RHBG: variants seen among roughly 807,000 people sequenced by gnomAD.
The protein encoded by RHBG is ammonium transporter Rh type B.
In RHBG, 39 loss-of-function variants were observed where a neutral mutation model predicts 40.1. The observed-to-expected ratio is 0.97, with a 90% CI of 0.75 to 1.27. The LOEUF is 1.27. Among genes scored for constraint, RHBG ranks in the 50% most tolerant of loss-of-function variants. RHBG has a pLI of 0.00. For missense variants in RHBG, 549 were observed against 588.1 expected, an observed-to-expected ratio of 0.93 and a Z score of 0.69; for synonymous variants, 237 against 252.5, an observed-to-expected ratio of 0.94 and a Z score of 0.58.
At position 156,378,350 on chromosome 1, in the gene RHBG, C is replaced by G; in HGVS notation, c.624C>G (p.Ser208Arg). The G allele has an allele frequency of 6.2e-7, 1 of 1,613,088 alleles. No individual in the cohort carries two copies. The highest frequency in any genetic ancestry group is 8.5e-7 in the Non-Finnish European group (1 of 1,179,496). Residue 208 changes from serine (S) to arginine (R), a missense_variant, in exon 4 of 10, where the codon AGC (serine) becomes AGG (arginine). Around this residue, in one of 3 missense-constraint regions of RHBG, gnomAD observed 399 missense variants for 417.0 expected, o/e 0.96. Coordinates refer to ENST00000537040, the MANE Select transcript of RHBG (RefSeq NM_020407.5). ...TGTACAGGCCCCAGCTGGAGAAGAG[C>G]AAGCACCGCCAGGGCTCCGTCTACC... ...RVLYRPQLEK[S>R]KHRQGSVYHS...
intron 1 of RHBG, among the ~76,000 whole-genome samples, chr1:156,369,999 G>A (rs1377903464): frequency 6.6e-6 from 1 of 152,042 alleles, no homozygotes; most frequent in Admixed American, 6.5e-5. Context: ...GTCCCTCAAA[G>A]CTGGTCCTTT....
chr1:156,377,292 C>A lies in RHBG; in HGVS notation c.188-9C>A, dbSNP rs1211180003. 6.2e-7 allele frequency: 1 copy of A among 1,612,304 alleles called. No individual in the cohort carries two copies. ...CCCCAAGTGCCCCGCCTGTCCCTGCCCGCTGCAGGCTTCCAGGACGTGCAT... is the reference window on the plus strand; with the variant it reads ...CCCCAAGTGCCCCGCCTGTCCCTGCACGCTGCAGGCTTCCAGGACGTGCAT... On this transcript the variant is annotated splice_polypyrimidine_tract_variant and intron_variant, in intron 1 of 9. Transcript: ENST00000537040. The surrounding 1 kb of genome is among the most constrained non-coding windows in gnomAD (Gnocchi z 4.6).
intron 8 of RHBG, chr1:156,384,269 T>G (rs1667883215): frequency 1.8e-6 from 1 of 570,592 alleles, no homozygotes; most frequent in Non-Finnish European, 3.1e-6. Context: ...CTCTGAGTCT[T>G]GTTTCTTTGT....
At chr1:156,378,488 T>G (rs1466647636) in intron 4 of RHBG, 89 bp downstream of exon 4, 1 of 1,466,994 alleles carries the variant, frequency 6.8e-7, no homozygotes, top group Non-Finnish European at 9.2e-7. Context: ...GGGTGCTGAC[T>G]GCAGTCCTGG....
intron 1 of RHBG, among the ~76,000 whole-genome samples, chr1:156,375,173 C>T (rs1381545890): frequency 1.3e-5 from 2 of 151,984 alleles, no homozygotes; most frequent in Middle Eastern, 3.2e-3. Flanking sequence ...CCGGGTCAAG[C>T]GATTCTACTG....
rs754558704 is a variant in RHBG at position 156,377,507 on chromosome 1, C to T, written c.374+20C>T. On this transcript the variant is annotated intron_variant, in intron 2 of 9. Transcript: ENST00000537040. This position sits in a 1 kb window ranked among gnomAD's most constrained non-coding sequence, Gnocchi z 4.6. ...GGAGAGGTGGGCAGCCGCCACCCACCCAGCTCCCCAAGGTTCACTCGGGAG... is the reference window on the plus strand; with the variant it reads ...GGAGAGGTGGGCAGCCGCCACCCACTCAGCTCCCCAAGGTTCACTCGGGAG... 1.9e-6 allele frequency: 3 copies of T among 1,597,460 alleles called. No homozygotes were observed. In the South Asian group the frequency reaches 3.3e-5, roughly 18 times the overall value.
At chr1:156,381,244 C>A in intron 4 of RHBG, 103 bp from the exon 5 acceptor site, 2 of 1,200,564 alleles carry the variant, frequency 1.7e-6, no homozygotes, top group Non-Finnish European at 2.4e-6. Flanking sequence ...TATGAGGAAA[C>A]TGAGGCTGCT....
At chr1:156,381,534 G>A in intron 5 of RHBG, 21 bp downstream of exon 5, 10 of 1,588,812 alleles carry the variant, frequency 6.3e-6, no homozygotes, top group Non-Finnish European at 8.6e-6. Flanking sequence ...GAGGACTTCA[G>A]AGAGGCAGAG....
rs3748569 is a variant in RHBG, at chr1:156,381,908, G to A, written c.943G>A (p.Gly315Arg). 0.45 allele frequency: 723,751 copies of A among 1,609,256 alleles called. 165,875 individuals carry two copies. Among genetic ancestry groups the A allele is most frequent in the East Asian group, 0.7 (31,288 of 44,832 alleles). Reference protein sequence around the residue: ...FGALAAGFLAGTVSTLGYKFF... With the variant: ...FGALAAGFLARTVSTLGYKFF... ...GGCTCTGGCAGCTGGCTTCTTGGCT[G>A]GGACTGTCTCCACGCTGGGGTACAA... is the stretch of plus-strand genomic sequence containing the variant. The change falls in exon 6 of 10, where the codon GGG (glycine) becomes AGG (arginine). Residue 315 changes from glycine to arginine, a missense_variant. Gly to Arg is a moderately radical substitution (Grantham distance 125). Coordinates refer to ENST00000537040, the MANE Select transcript of RHBG (RefSeq NM_020407.5).
At chr1:156,381,710 C>A in intron 5 of RHBG, 96 bp from the exon 6 acceptor site, 1 of 1,488,366 alleles carries the variant, frequency 6.7e-7, no homozygotes, top group Non-Finnish European at 9.0e-7. Context: ...GGCAGAGGGA[C>A]TTCCAGAAGC....
intron 4 of RHBG, 36 bp from the exon 5 acceptor site, chr1:156,381,311 C>T (rs200154669): frequency 5.8e-5 from 93 of 1,611,134 alleles, no homozygotes; most frequent in Admixed American, 1.0e-4. Flanking sequence ...GGAGTCACTT[C>T]CTTCTTCTCA....
intron 8 of RHBG, 102 bp downstream of exon 8, chr1:156,382,971 A>T: frequency 6.5e-7 from 1 of 1,535,150 alleles, no homozygotes; most frequent in Non-Finnish European, 8.9e-7. Flanking sequence ...ACTTTGTGCC[A>T]TAAAGTAGGG....
chr1:156,384,563 C>G lies in RHBG; in HGVS notation c.1271C>G (p.Pro424Arg), dbSNP rs375620360. 6.2e-6 allele frequency: 10 copies of G among 1,600,620 alleles called. No individual in the cohort carries two copies. The highest frequency in any genetic ancestry group is 2.2e-5 in the South Asian group (2 of 89,354). Residue 424 changes from proline to arginine, a missense_variant, in exon 9 of 10, where the codon CCA (proline) becomes CGA (arginine). By Grantham distance (103) the Pro-to-Arg change is moderately radical. Transcript: ENST00000537040. ...AAGCTACCCTTTCTGGACTCCCCCC[C>G]AGACTCCCAGCACTACGAGGACCAA... ...LLKLPFLDSP[P>R]DSQHYEDQVH...
chr1:156,371,731 G>A (rs532394894), intron 1 of RHBG: 4 of 152,618 alleles, frequency 2.6e-5, no homozygotes, highest in Admixed American at 6.5e-5. Context: ...CTAAGCTGTT[G>A]CGTAAGGGTC....
In RHBG at chr1:156,380,997, T is replaced by G. The variant is rs185741906; in HGVS notation, c.674-350T>G. Reference sequence around the variant, plus strand: ...TCACTGCAACCTCTGCCTCCCAGTCTCAAGCGATCCTCCTGCCTCAGCCCC... The same window carrying G: ...TCACTGCAACCTCTGCCTCCCAGTCGCAAGCGATCCTCCTGCCTCAGCCCC... On this transcript the variant is annotated intron_variant, in intron 4 of 9. Transcript: ENST00000537040. Among the ~76,000 whole-genome samples, 155 of 152,222 alleles carry G rather than the reference T, an allele frequency of 1.0e-3. 1 individual carries two copies. The highest frequency in any genetic ancestry group is 3.6e-3 in the African/African-American group (149 of 41,556).
chr1:156,374,404 C>T (rs1399767566), intron 1 of RHBG, among the ~76,000 whole-genome samples: 11 of 152,060 alleles, frequency 7.2e-5, no homozygotes, highest in Non-Finnish European at 2.9e-5. Flanking sequence ...TCTCCCTATT[C>T]CCCCTTCCCC....
chr1:156,384,444 C>T (rs769768158), intron 8 of RHBG, 83 bp from the exon 9 acceptor site: 2 of 1,250,224 alleles, frequency 1.6e-6, no homozygotes, highest in South Asian at 1.2e-5. Context: ...CTCCTAGACC[C>T]CTGTGCCCTG....
chr1:156,383,095 G>A (rs1301705654), intron 8 of RHBG, among the ~76,000 whole-genome samples: 1 of 152,154 alleles, frequency 6.6e-6, no homozygotes, highest in Non-Finnish European at 1.5e-5. Flanking sequence ...GGTGAGCGAG[G>A]CCCTCTCTTA....
intron 1 of RHBG, among the ~76,000 whole-genome samples, chr1:156,370,645 GAA>G (rs1210007520): frequency 1.9e-5 from 2 of 108,008 alleles, no homozygotes; most frequent in African/African-American, 6.5e-5. Context: ...AAAAAAGAAA[GAA>G]AATGAAGCAC....
Sources: gnomAD v4.1 joint callset for allele counts (sites outside exome capture counted in the v4.1 genomes callset) on GRCh38, gnomAD v4.1.1 for gene constraint, gnomAD v4.1.1 regional missense constraint, Gnocchi (gnomAD v3.1) non-coding constraint, MANE v1.5 for transcripts, NCBI Gene and HGNC (gene_info 2026-07-23, HGNC 2026-07-21) for gene names.